Variants in RPS17 observed in about 807,000 individuals in gnomAD.
The protein encoded by RPS17 is small ribosomal subunit protein eS17.
For synonymous variants in RPS17, 75 were observed against 65.6 expected, an observed-to-expected ratio of 1.14 and a Z score of -0.70; for missense variants, 68 against 182.3, an observed-to-expected ratio of 0.37 and a Z score of 3.61.
In RPS17 at chr15:82,540,383, G is replaced by T. The variant is rs1365481464; in HGVS notation, c.3+43C>A. 2.5e-6 allele frequency: 4 copies of T among 1,591,046 alleles called. No homozygotes were observed. In the African/African-American group the frequency reaches 5.3e-5, roughly 21 times the overall value. ...GAGGACCGCGGGAAGCTGCAGATGG[G>T]GGACGATTGTGGAGGATGGCGGCCT... On this transcript the variant is annotated intron_variant, in intron 1 of 4. Coordinates refer to ENST00000647841, the MANE Select transcript of RPS17 (RefSeq NM_001021.6).
Position 82,538,838 on chromosome 15 carries a change from AT to A in RPS17, c.261+41del, listed in dbSNP as rs1339299602. The A allele has an allele frequency of 3.8e-6, 6 of 1,597,840 alleles. No homozygotes were observed. In the African/African-American group the frequency reaches 8.0e-5, roughly 21 times the overall value. ...GAAGCCAAGAACCCATAGCTTTATC[AT>A]TTGAGGATTAGCCAGAAGCCCAAAT... On this transcript the variant is annotated intron_variant, in intron 3 of 4. Coordinates refer to ENST00000647841, the MANE Select transcript of RPS17 (RefSeq NM_001021.6).
chr15:82,537,118 T>C, intron 4 of RPS17: 1 of 611,558 alleles, frequency 1.6e-6, no homozygotes, highest in South Asian at 1.9e-5. Context: ...TTTTACCCAA[T>C]GTACCATGCC....
chr15:82,540,252 G>A (rs1213904802), intron 1 of RPS17, 120 bp from the exon 2 acceptor site: 3 of 1,606,376 alleles, frequency 1.9e-6, no homozygotes, highest in African/African-American at 1.3e-5. Context: ...GAGAGGGCCC[G>A]GCTAAACAGT....
In RPS17 at chr15:82,540,146, G is replaced by T. The variant is rs1360774442; in HGVS notation, c.4-14C>A. ...GCGAACGCGGCCCTGCGGGTGGAGA[G>T]GACAGGATCACTCACGAGCCAGCGC... is the stretch of plus-strand genomic sequence containing the variant. On this transcript the variant is annotated splice_polypyrimidine_tract_variant and intron_variant, in intron 1 of 4. Transcript: ENST00000647841. 2 of 1,613,612 alleles carry T rather than the reference G, an allele frequency of 1.2e-6. No homozygotes were observed. The highest frequency in any genetic ancestry group is 2.7e-5 in the African/African-American group (2 of 74,932).
intron 2 of RPS17, chr15:82,539,221 C>T: frequency 1.5e-6 from 1 of 666,728 alleles, no homozygotes; most frequent in Admixed American, 2.0e-5. Context: ...GCGCCCCACC[C>T]CCAACTCGCC....
chr15:82,540,058 G>A lies in RPS17; in HGVS notation c.78C>T (p.Asn26=), dbSNP rs1259511112. The A allele has an allele frequency of 1.2e-6, 2 of 1,612,784 alleles. No homozygotes were observed. Among genetic ancestry groups the A allele is most frequent in the African/African-American group, 2.7e-5 (2 of 74,902 alleles). The part of the protein sequence containing the change: ...IIEKYYTRLG[N]DFHTNKRVCE... Reference sequence around the variant, plus strand: ...ACACGCGCTTGTTCGTGTGGAAGTCGTTGCCCAGGCGCGTGTAGTACTTTT... The same window carrying A: ...ACACGCGCTTGTTCGTGTGGAAGTCATTGCCCAGGCGCGTGTAGTACTTTT... The change falls in exon 2 of 5, where the codon AAC becomes AAT. Residue 26 remains asparagine (N), a synonymous_variant. Transcript: ENST00000647841.
intron 2 of RPS17, chr15:82,539,620 C>T: frequency 2.4e-6 from 1 of 414,848 alleles, no homozygotes; most frequent in South Asian, 2.0e-5. Flanking sequence ...ACCCGGGAGA[C>T]GGAGGTTGCA....
Position 82,536,806 on chromosome 15 carries a change from C to G in RPS17, c.403G>C (p.Val135Leu), listed in dbSNP as rs890715598. Residue 135 changes from valine to leucine, a missense_variant, in exon 5 of 5, where the codon GTT becomes CTT. Physicochemically the swap from Val to Leu is conservative, Grantham distance 32. Transcript: ENST00000647841. ...GMNFKTPRGP[V>L] ...TACAGCACTACAGAAAAAATTCAAA[C>G]AGGTCCCCGAGGCGTTTTGAAATTC... 5.0e-6 allele frequency: 8 copies of G among 1,613,868 alleles called. No homozygotes were observed. The highest frequency in any genetic ancestry group is 6.8e-6 in the Non-Finnish European group (8 of 1,179,876).
intron 2 of RPS17, chr15:82,539,517 G>A (rs2034305315): frequency 2.2e-6 from 1 of 454,640 alleles, no homozygotes; most frequent in African/African-American, 2.0e-5. Flanking sequence ...GTGAAACCCT[G>A]TTGTCTACTA....
intron 4 of RPS17, chr15:82,537,661 C>T (rs1595979021): frequency 5.6e-6 from 2 of 359,032 alleles, no homozygotes; most frequent in Non-Finnish European, 1.1e-5. Flanking sequence ...AAAAGACCCA[C>T]AGCGGGGCTG....
chr15:82,538,069 A>G lies in RPS17; in HGVS notation c.327+237T>C, dbSNP rs1320969018. ...TATAAAACCAAGAACAGAAGCAGCC[A>G]AGAGAGAAAAGGTGTCCTGGAAGCC... On this transcript the variant is annotated intron_variant, in intron 4 of 4. Transcript: ENST00000647841. 6.9e-6 allele frequency: 4 copies of G among 575,550 alleles called. No homozygotes were observed. In the Admixed American group the frequency reaches 8.8e-5, roughly 13 times the overall value. The allele number at this position is 575,550 out of a possible 1,614,324, so 35.7% of individuals were successfully genotyped here. A position where few individuals can be genotyped will look rare whatever the true frequency, so the allele number is the denominator to read the frequency against.
At chr15:82,538,739 G>A in intron 3 of RPS17, 141 bp downstream of exon 3, 2 of 865,092 alleles carry the variant, frequency 2.3e-6, no homozygotes, top group Admixed American at 3.7e-5. Context: ...AAACTGGTAG[G>A]GGGCCTATGG....
At chr15:82,540,222 C>G in intron 1 of RPS17, 90 bp from the exon 2 acceptor site, 2 of 1,610,616 alleles carry the variant, frequency 1.2e-6, no homozygotes, top group Non-Finnish European at 1.7e-6. Flanking sequence ...TGGTTGGGGA[C>G]CGCCGGCTGC....
chr15:82,539,393 G>C, intron 2 of RPS17: 1 of 463,680 alleles, frequency 2.2e-6, no homozygotes, highest in South Asian at 1.5e-5. Flanking sequence ...GTAAGCATTA[G>C]AAGTTGACAT....
Position 82,539,765 on chromosome 15 carries a change from T to G in RPS17, c.155+216A>C. On this transcript the variant is annotated intron_variant, in intron 2 of 4. Transcript: ENST00000647841. ...AGCTTCAAAGCAAGAGGTCTGACGGTGGCTACCTTCGACCCAGGGTCACCG... is the reference window on the plus strand; with the variant it reads ...AGCTTCAAAGCAAGAGGTCTGACGGGGGCTACCTTCGACCCAGGGTCACCG... 3 of 755,612 alleles carry G rather than the reference T, an allele frequency of 4.0e-6. No individual in the cohort carries two copies. The Middle Eastern group carries it at 1.1e-3, about 284-fold the overall frequency. The allele number at this position is 755,612 out of a possible 1,614,324, so 46.8% of individuals were successfully genotyped here.
chr15:82,537,206 C>T, intron 4 of RPS17: 2 of 448,024 alleles, frequency 4.5e-6, no homozygotes, highest in Non-Finnish European at 8.3e-6. Context: ...CGTAGACATC[C>T]TGGGCTGGAC....
chr15:82,538,463 AGAG>A, intron 3 of RPS17, 92 bp from the exon 4 acceptor site: 1 of 1,380,548 alleles, frequency 7.2e-7, no homozygotes, highest in Admixed American at 1.7e-5. Context: ...AATATGGGGA[AGAG>A]GAGCTGCACA....
chr15:82,539,063 A>G, intron 2 of RPS17, 78 bp from the exon 3 acceptor site: 1 of 1,343,004 alleles, frequency 7.4e-7, no homozygotes, highest in South Asian at 1.2e-5. Context: ...ATGTGCATAT[A>G]TAAATACCCG....
intron 2 of RPS17, chr15:82,539,540 T>C: frequency 2.2e-6 from 1 of 446,684 alleles, no homozygotes; most frequent in Non-Finnish European, 4.5e-6. Context: ...AATACAAAAA[T>C]TAGCCGAGTG....
Sources: allele counts gnomAD v4.1 joint callset, GRCh38; gene constraint gnomAD v4.1.1; transcripts MANE v1.5; gene names NCBI Gene and HGNC (gene_info 2026-07-23, HGNC 2026-07-21).